Variants in PON3 observed in about 807,000 individuals in gnomAD.
PON3 encodes the protein serum paraoxonase/lactonase 3.
PON3 carries 37 observed loss-of-function variants against 36.3 expected under a neutral mutation model. That is an observed-to-expected ratio of 1.02 (90% CI 0.78 to 1.34). The LOEUF (loss-of-function observed/expected upper bound fraction) is 1.34, where lower values mean the gene tolerates loss of function less well. Ranked by LOEUF, PON3 falls within the 40% of genes most tolerant of loss-of-function variation. The pLI is 0.00. For synonymous variants in PON3, 155 were observed against 154.8 expected, an observed-to-expected ratio of 1.00 and a Z score of -0.01; for missense variants, 415 against 426.5, an observed-to-expected ratio of 0.97 and a Z score of 0.24.
rs1439065917 is a variant in PON3 at position 95,362,786 on chromosome 7, C to A, written c.751G>T (p.Asp251Tyr). 1.2e-6 allele frequency: 2 copies of A among 1,611,186 alleles called. No individual in the cohort carries two copies. The highest frequency in any genetic ancestry group is 8.5e-7 in the Non-Finnish European group (1 of 1,177,588). Residue 251 changes from aspartate to tyrosine, a missense_variant, in exon 7 of 9, where the codon GAT becomes TAT. Transcript: ENST00000265627. ...TTCAGTTGAGTTAAATCCCAGTTAT[C>A]ATGTTTTTCCATTATGTGAATGTTC... ...AKNIHIMEKH[D>Y]NWDLTQLKVI...
intron 2 of PON3, 131 bp downstream of exon 2, chr7:95,394,512 AG>A: frequency 1.3e-6 from 1 of 761,918 alleles, no homozygotes; most frequent in Non-Finnish European, 2.3e-6. Context: ...CATGGGGCAG[AG>A]TGGACGGGGC....
chr7:95,393,847 T>C (rs1401282579), intron 2 of PON3, among the ~76,000 whole-genome samples: 12 of 152,090 alleles, frequency 7.9e-5, no homozygotes. Context: ...GGGCCATGGA[T>C]TTTTTATGAA....
At chr7:95,360,253 T>C in intron 8 of PON3, 122 bp from the exon 9 acceptor site, 2 of 938,348 alleles carry the variant, frequency 2.1e-6, no homozygotes, top group African/African-American at 3.2e-5. Context: ...TCTGTATATC[T>C]TCAATAAATT....
chr7:95,393,299 T>G (rs1809359643), intron 2 of PON3, among the ~76,000 whole-genome samples: 1 of 152,196 alleles, frequency 6.6e-6, no homozygotes. Context: ...CTGCTAGCTA[T>G]AATACAAGGC....
chr7:95,383,865 T>C (rs532342654), intron 3 of PON3, among the ~76,000 whole-genome samples: 5 of 152,310 alleles, frequency 3.3e-5, no homozygotes, highest in South Asian at 4.1e-4. Context: ...TTAAAGTTCA[T>C]GTGGAACCAA....
At chr7:95,368,773 G>A (rs1472649572) in intron 4 of PON3, among the ~76,000 whole-genome samples, 1 of 144,054 alleles carries the variant, frequency 6.9e-6, no homozygotes, top group Non-Finnish European at 1.5e-5. Context: ...GACTGTTATT[G>A]TATAAACATG....
intron 3 of PON3, among the ~76,000 whole-genome samples, chr7:95,387,631 C>T (rs953744831): frequency 1.3e-5 from 2 of 152,128 alleles, no homozygotes; most frequent in African/African-American, 4.8e-5. Context: ...GAAAAAACTA[C>T]TTTAAAGTTC....
At chr7:95,395,211 C>A (rs1042530598) in intron 1 of PON3, among the ~76,000 whole-genome samples, 1 of 152,042 alleles carries the variant, frequency 6.6e-6, no homozygotes, top group Non-Finnish European at 1.5e-5. Context: ...TGACTTACTC[C>A]GCAAGTATGT....
rs1159440142 is a variant in PON3, at chr7:95,362,944, C to G, written c.696-103G>C. On this transcript the variant is annotated intron_variant, in intron 6 of 8. Coordinates refer to ENST00000265627, the MANE Select transcript of PON3 (RefSeq NM_000940.3). The stretch of plus-strand genomic sequence containing the variant: ...TAAAAATGCACACTCCTTGAAAGTA[C>G]CACTGCAATCCTTTTCTAAACCACA... 5.2e-6 allele frequency: 4 copies of G among 767,848 alleles called. No homozygotes were observed. The African/African-American group carries it at 6.8e-5, about 13-fold the overall frequency. 47.6% of individuals were successfully genotyped at this position (767,848 alleles called of 1,614,324 possible). A position where few individuals can be genotyped will look rare whatever the true frequency, so the allele number is the denominator to read the frequency against.
At chr7:95,386,937 C>A (rs994283430) in intron 3 of PON3, among the ~76,000 whole-genome samples, 1 of 152,030 alleles carries the variant, frequency 6.6e-6, no homozygotes, top group Non-Finnish European at 1.5e-5. Flanking sequence ...ATTCAACAGC[C>A]CTTCATGCTA....
At chr7:95,363,707 T>C in intron 6 of PON3, 156 bp downstream of exon 6, 1 of 769,536 alleles carries the variant, frequency 1.3e-6, no homozygotes, top group Non-Finnish European at 2.2e-6. Context: ...ATGGATTGCT[T>C]AGGATGACAG....
chr7:95,388,262 C>T (rs1809242893), intron 3 of PON3, among the ~76,000 whole-genome samples: 3 of 152,142 alleles, frequency 2.0e-5, no homozygotes, highest in South Asian at 2.1e-4. Flanking sequence ...CAAAGAACCC[C>T]GTCAAAAAGT....
At chr7:95,378,695 A>AG in intron 3 of PON3, among the ~76,000 whole-genome samples, 1 of 152,200 alleles carries the variant, frequency 6.6e-6, no homozygotes, top group Non-Finnish European at 1.5e-5. Context: ...TTTACAGACA[A>AG]CAAATGCTGA....
chr7:95,387,140 A>G (rs1279130940), intron 3 of PON3, among the ~76,000 whole-genome samples: 2 of 152,146 alleles, frequency 1.3e-5, no homozygotes, highest in Non-Finnish European at 2.9e-5. Flanking sequence ...GGCCAGGGCA[A>G]TTGGACAAGA....
At chr7:95,364,695 T>G (rs994689307) in intron 5 of PON3, 2 of 156,692 alleles carry the variant, frequency 1.3e-5, no homozygotes, top group African/African-American at 4.8e-5. Context: ...TAACAAACCT[T>G]GGCAGTTTTG....
chr7:95,372,776 T>A (rs1585722917), intron 3 of PON3, among the ~76,000 whole-genome samples: 1 of 152,312 alleles, frequency 6.6e-6, no homozygotes, highest in East Asian at 1.9e-4. Flanking sequence ...GTGTATAGTT[T>A]AATTGTATTG....
At chr7:95,388,428 GT>G (rs1417851215) in intron 3 of PON3, among the ~76,000 whole-genome samples, 2 of 152,144 alleles carry the variant, frequency 1.3e-5, no homozygotes, top group African/African-American at 2.4e-5. Context: ...TCATTAAAAA[GT>G]CAGGAAACAA....
chr7:95,388,405 G>A (rs1305076059), intron 3 of PON3, among the ~76,000 whole-genome samples: 2 of 152,208 alleles, frequency 1.3e-5, no homozygotes. Flanking sequence ...TCTCATGCCA[G>A]TTAGAATGGC....
intron 8 of PON3, among the ~76,000 whole-genome samples, chr7:95,361,747 A>G (rs868753915): frequency 1.3e-5 from 2 of 152,284 alleles, no homozygotes; most frequent in South Asian, 4.1e-4. Context: ...TTATAGCTAT[A>G]TATAAATTCA....
Sources: allele counts gnomAD v4.1 joint callset (sites outside exome capture counted in the v4.1 genomes callset), GRCh38; gene constraint gnomAD v4.1.1; transcripts MANE v1.5; gene names NCBI Gene and HGNC (gene_info 2026-07-23, HGNC 2026-07-21).